The following OR5T3 variants were observed in gnomAD, a reference collection of about 807,000 sequenced individuals.
OR5T3 encodes the protein olfactory receptor 5T3.
OR5T3 carries 14 observed loss-of-function variants against 14.0 expected under a neutral mutation model. That is an observed-to-expected ratio of 1.00 (90% confidence interval 0.66 to 1.56). The LOEUF is 1.56. OR5T3 is among the 40% of genes most tolerant of loss of function. The probability of loss-of-function intolerance (pLI) is 0.00; values close to 1 mark genes in which losing one functional copy is unlikely to be tolerated. For synonymous variants in OR5T3, 150 were observed against 137.2 expected (o/e 1.09, Z -0.65); for missense variants, 410 against 374.2 (o/e 1.10, Z -0.79).
chr11:56,252,412 C>A lies in OR5T3; in HGVS notation c.159C>A (p.Gly53=), dbSNP rs747276768. 3.1e-6 allele frequency: 5 copies of A among 1,613,350 alleles called. No individual in the cohort carries two copies. Among genetic ancestry groups the A allele is most frequent in the East Asian group, 4.5e-5 (2 of 44,876 alleles). ...CAATCTATCTCTTTACCTTGATAGG[C>A]AATTTAGGGCTGGTTGTGTTGGTCA... The part of the protein sequence containing the change: ...FFAIYLFTLI[G]NLGLVVLVIE... Residue 53 remains glycine (G), a synonymous_variant, in exon 1 of 1, where the codon GGC becomes GGA. Transcript: ENST00000313033.
At position 56,252,646 on chromosome 11, in the gene OR5T3, T is replaced by G. The variant is rs755923623; in HGVS notation, c.393T>G (p.Ala131=). The G allele has an allele frequency of 6.2e-7, 1 of 1,613,934 alleles. No individual in the cohort carries two copies. Among genetic ancestry groups the G allele is most frequent in the Non-Finnish European group, 8.5e-7 (1 of 1,179,850 alleles). ...AATGTTTTCTCTTGGCTGCAATGGC[T>G]TATGATCACTATGTAGCCATCTACA... ...TTECFLLAAM[A]YDHYVAIYNP... Residue 131 remains alanine, a synonymous_variant, in exon 1 of 1, where the codon GCT becomes GCG. Transcript: ENST00000313033.
rs768612353 is a variant in OR5T3, at chr11:56,253,007, A to G, written c.754A>G (p.Thr252Ala). ...SAKGRQKAFS[T>A]CGSHLTGVTI... ...TAAGGGAAGGCAAAAGGCCTTCTCT[A>G]CATGTGGCTCTCACCTAACTGGAGT... Residue 252 changes from threonine to alanine, a missense_variant, in exon 1 of 1, where the codon ACA (threonine) becomes GCA (alanine). By Grantham distance (58) the Thr-to-Ala change is moderately conservative. Coordinates refer to ENST00000313033, the MANE Select transcript of OR5T3 (RefSeq NM_001004747.2). 5.0e-6 allele frequency: 8 copies of G among 1,613,132 alleles called. No individual in the cohort carries two copies. The highest frequency in any genetic ancestry group is 6.8e-6 in the Non-Finnish European group (8 of 1,179,290).
Position 56,253,213 on chromosome 11 carries a change from T to G in OR5T3, c.960T>G (p.Val320=). The G allele has an allele frequency of 6.5e-7, 1 of 1,535,648 alleles. No individual in the cohort carries two copies. Among genetic ancestry groups the G allele is most frequent in the South Asian group, 1.2e-5 (1 of 81,602 alleles). The change falls in exon 1 of 1, where the codon GTT becomes GTG. Residue 320 remains valine (V), a synonymous_variant. Transcript: ENST00000313033. ...KKAVKKMLKL[V]YK ...CAGTGAAGAAAATGTTGAAATTGGT[T>G]TACAAATGAAGAATATATTTAAAAT...
chr11:56,252,438 T>C lies in OR5T3; in HGVS notation c.185T>C (p.Ile62Thr). 6 of 1,613,818 alleles carry C rather than the reference T, an allele frequency of 3.7e-6. No homozygotes were observed. The highest frequency in any genetic ancestry group is 1.6e-4 in the Middle Eastern group (1 of 6,062). The change falls in exon 1 of 1, where the codon ATT becomes ACT. Residue 62 changes from isoleucine to threonine, a missense_variant. Coordinates refer to ENST00000313033, the MANE Select transcript of OR5T3 (RefSeq NM_001004747.2). ...AATTTAGGGCTGGTTGTGTTGGTCA[T>C]TGAGGATTCCTGGCTCCACAACCCC... Reference protein sequence around the residue: ...IGNLGLVVLVIEDSWLHNPMY... With the variant: ...IGNLGLVVLVTEDSWLHNPMY...
At position 56,252,987 on chromosome 11, in the gene OR5T3, G is replaced by A; in HGVS notation, c.734G>A (p.Gly245Glu). The A allele has an allele frequency of 6.2e-7, 1 of 1,613,690 alleles. No individual in the cohort carries two copies. The highest frequency in any genetic ancestry group is 8.5e-7 in the Non-Finnish European group (1 of 1,179,724). ...LSILKMHSAK[G>E]RQKAFSTCGS... ...ATTCTGAAGATGCATTCTGCTAAGG[G>A]AAGGCAAAAGGCCTTCTCTACATGT... The change falls in exon 1 of 1, where the codon GGA (glycine) becomes GAA (glutamate). Residue 245 changes from glycine to glutamate, a missense_variant. Transcript: ENST00000313033.
rs1238027677 is a variant in OR5T3, at chr11:56,252,502, T to C, written c.249T>C (p.Ala83=). 1.9e-6 allele frequency: 3 copies of C among 1,613,930 alleles called. No homozygotes were observed. Among genetic ancestry groups the C allele is most frequent in the African/African-American group, 1.3e-5 (1 of 75,046 alleles). Reference sequence around the variant, plus strand: ...TTAGTGTTTTATCATTCTTGGATGCTTGCTATTCTACAGTTGTCACTCCAA... The same window carrying C: ...TTAGTGTTTTATCATTCTTGGATGCCTGCTATTCTACAGTTGTCACTCCAA... ...YFLSVLSFLD[A]CYSTVVTPKM... The change falls in exon 1 of 1, where the codon GCT becomes GCC. Residue 83 remains alanine, a synonymous_variant. Transcript: ENST00000313033.
Position 56,252,645 on chromosome 11 carries a change from C to T in OR5T3, c.392C>T (p.Ala131Val). ...GAATGTTTTCTCTTGGCTGCAATGG[C>T]TTATGATCACTATGTAGCCATCTAC... is the stretch of plus-strand genomic sequence containing the variant. ...TTECFLLAAM[A>V]YDHYVAIYNP... is the part of the protein sequence containing the mutation. Residue 131 changes from alanine to valine, a missense_variant, in exon 1 of 1, where the codon GCT (alanine) becomes GTT (valine). Ala to Val is a moderately conservative substitution (Grantham distance 64, BLOSUM62 0). Coordinates refer to ENST00000313033, the MANE Select transcript of OR5T3 (RefSeq NM_001004747.2). 6.2e-7 allele frequency: 1 copy of T among 1,613,846 alleles called. No individual in the cohort carries two copies. The highest frequency in any genetic ancestry group is 8.5e-7 in the Non-Finnish European group (1 of 1,179,820).
chr11:56,252,827 G>A lies in OR5T3; in HGVS notation c.574G>A (p.Asp192Asn), dbSNP rs758340845. 6.2e-6 allele frequency: 10 copies of A among 1,613,734 alleles called. No homozygotes were observed. Among genetic ancestry groups the A allele is most frequent in the African/African-American group, 1.3e-5 (1 of 74,990 alleles). Residue 192 changes from aspartate to asparagine, a missense_variant, in exon 1 of 1, where the codon GAT becomes AAT. Transcript: ENST00000313033. ...CAATGAAATTAGGCATGTCTTTTGT[G>A]ATATGCCTCCTCTCCTTGCTATTTC... ...GSNEIRHVFC[D>N]MPPLLAISCS...
In OR5T3 at chr11:56,252,299, A is replaced by C. The variant is rs117437322; in HGVS notation, c.46A>C (p.Lys16Gln). 58 of 1,612,834 alleles carry C rather than the reference A, an allele frequency of 3.6e-5. No homozygotes were observed. The highest frequency in any genetic ancestry group is 4.7e-5 in the Non-Finnish European group (56 of 1,178,950). Reference protein sequence around the residue: ...SGLDIYRNPLKNKTEVTMFIL... With the variant: ...SGLDIYRNPLQNKTEVTMFIL... ...TTTGGATATATACAGGAATCCACTG[A>C]AGAACAAGACTGAAGTCACCATGTT... Residue 16 changes from lysine to glutamine, a missense_variant, in exon 1 of 1, where the codon AAG (lysine) becomes CAG (glutamine). By Grantham distance (53) the Lys-to-Gln change is moderately conservative. Coordinates refer to ENST00000313033, the MANE Select transcript of OR5T3 (RefSeq NM_001004747.2).
Position 56,252,870 on chromosome 11 carries a change from C to T in OR5T3, c.617C>T (p.Thr206Ile), listed in dbSNP as rs747895311. Residue 206 changes from threonine to isoleucine, a missense_variant, in exon 1 of 1, where the codon ACA becomes ATA. By Grantham distance (89) the Thr-to-Ile change is moderately conservative (BLOSUM62 -1). Coordinates refer to ENST00000313033, the MANE Select transcript of OR5T3 (RefSeq NM_001004747.2). ...LLAISCSDTH[T>I]NQLLLFYFVG... ...GCTATTTCTTGTTCTGACACTCACA[C>T]AAACCAGCTTCTACTCTTCTACTTT... 8 of 1,613,788 alleles carry T rather than the reference C, an allele frequency of 5.0e-6. No individual in the cohort carries two copies. Among genetic ancestry groups the T allele is most frequent in the South Asian group, 1.1e-5 (1 of 91,072 alleles).
Position 56,252,367 on chromosome 11 carries a change from C to A in OR5T3, c.114C>A (p.Phe38Leu). 1.2e-6 allele frequency: 2 copies of A among 1,613,630 alleles called. No homozygotes were observed. The highest frequency in any genetic ancestry group is 1.7e-5 in the Admixed American group (1 of 59,942). ...CAGATGATTTTGAGCTGCAAGTCTT[C>A]CTATTTTTACTATTTTTTGCAATCT... is the stretch of plus-strand genomic sequence containing the variant. Reference protein sequence around the residue: ...GFTDDFELQVFLFLLFFAIYL... With the variant: ...GFTDDFELQVLLFLLFFAIYL... Residue 38 changes from phenylalanine to leucine, a missense_variant, in exon 1 of 1, where the codon TTC (phenylalanine) becomes TTA (leucine). Physicochemically the swap from Phe to Leu is conservative, Grantham distance 22 (BLOSUM62 0). Coordinates refer to ENST00000313033, the MANE Select transcript of OR5T3 (RefSeq NM_001004747.2).
In OR5T3 at chr11:56,252,763, A is replaced by G. The variant is rs779773842; in HGVS notation, c.510A>G (p.Ile170Met). ...TTGCTGGCATTTTACATGCTACTAT[A>G]CATATAGTGGCTACATTTAGCCTGT... is the stretch of plus-strand genomic sequence containing the variant. ...SYVAGILHAT[I>M]HIVATFSLSF... The change falls in exon 1 of 1, where the codon ATA (isoleucine) becomes ATG (methionine). Residue 170 changes from isoleucine to methionine, a missense_variant. Coordinates refer to ENST00000313033, the MANE Select transcript of OR5T3 (RefSeq NM_001004747.2). 2 of 1,612,398 alleles carry G rather than the reference A, an allele frequency of 1.2e-6. No individual in the cohort carries two copies. Among genetic ancestry groups the G allele is most frequent in the Non-Finnish European group, 1.7e-6 (2 of 1,179,822 alleles).
In OR5T3 at chr11:56,253,033, G is replaced by A. The variant is rs1404552897; in HGVS notation, c.780G>A (p.Val260=). The change falls in exon 1 of 1, where the codon GTG becomes GTA. Residue 260 remains valine, a synonymous_variant. Coordinates refer to ENST00000313033, the MANE Select transcript of OR5T3 (RefSeq NM_001004747.2). The stretch of plus-strand genomic sequence containing the variant: ...CATGTGGCTCTCACCTAACTGGAGT[G>A]ACAATTTATCATGGAACAATTCTCG... The part of the protein sequence containing the change: ...FSTCGSHLTG[V]TIYHGTILVS... 1 of 1,613,578 alleles carries A rather than the reference G, an allele frequency of 6.2e-7. No homozygotes were observed. The highest frequency in any genetic ancestry group is 8.5e-7 in the Non-Finnish European group (1 of 1,179,750).
chr11:56,252,424 G>A lies in OR5T3; in HGVS notation c.171G>A (p.Leu57=). The change falls in exon 1 of 1, where the codon CTG becomes CTA. Residue 57 remains leucine, a synonymous_variant. Transcript: ENST00000313033. ...TTACCTTGATAGGCAATTTAGGGCTGGTTGTGTTGGTCATTGAGGATTCCT... is the reference window on the plus strand; with the variant it reads ...TTACCTTGATAGGCAATTTAGGGCTAGTTGTGTTGGTCATTGAGGATTCCT... ...YLFTLIGNLG[L]VVLVIEDSWL... is the part of the protein sequence containing the mutation. 1.2e-6 allele frequency: 2 copies of A among 1,613,588 alleles called. No homozygotes were observed. The highest frequency in any genetic ancestry group is 1.3e-5 in the African/African-American group (1 of 74,994).
chr11:56,252,345 A>G lies in OR5T3; in HGVS notation c.92A>G (p.Asp31Gly), dbSNP rs766016919. ...VTMFILTGFTDDFELQVFLFL... is the reference protein window; with the variant it reads ...VTMFILTGFTGDFELQVFLFL... Reference sequence around the variant, plus strand: ...ATGTTTATATTGACAGGCTTCACAGATGATTTTGAGCTGCAAGTCTTCCTA... The same window carrying G: ...ATGTTTATATTGACAGGCTTCACAGGTGATTTTGAGCTGCAAGTCTTCCTA... The change falls in exon 1 of 1, where the codon GAT becomes GGT. Residue 31 changes from aspartate to glycine, a missense_variant. Transcript: ENST00000313033. 2 of 1,613,570 alleles carry G rather than the reference A, an allele frequency of 1.2e-6. No individual in the cohort carries two copies. The highest frequency in any genetic ancestry group is 2.7e-5 in the African/African-American group (2 of 74,910).
In OR5T3 at chr11:56,252,457, C is replaced by T; in HGVS notation, c.204C>T (p.His68=). ...TGGTCATTGAGGATTCCTGGCTCCACAACCCCATGTATTATTTTCTTAGTG... is the reference window on the plus strand; with the variant it reads ...TGGTCATTGAGGATTCCTGGCTCCATAACCCCATGTATTATTTTCTTAGTG... The part of the protein sequence containing the change: ...VVLVIEDSWL[H]NPMYYFLSVL... The change falls in exon 1 of 1, where the codon CAC becomes CAT. Residue 68 remains histidine (H), a synonymous_variant. Transcript: ENST00000313033. 1 of 1,613,820 alleles carries T rather than the reference C, an allele frequency of 6.2e-7. No individual in the cohort carries two copies. The highest frequency in any genetic ancestry group is 1.1e-5 in the South Asian group (1 of 91,076).
Position 56,252,291 on chromosome 11 carries a change from A to G in OR5T3, c.38A>G (p.Asn13Ser). Reference sequence around the variant, plus strand: ...TCATCAGGTTTGGATATATACAGGAATCCACTGAAGAACAAGACTGAAGTC... The same window carrying G: ...TCATCAGGTTTGGATATATACAGGAGTCCACTGAAGAACAAGACTGAAGTC... ...KLSSGLDIYR[N>S]PLKNKTEVTM... Residue 13 changes from asparagine to serine, a missense_variant, in exon 1 of 1, where the codon AAT becomes AGT. Coordinates refer to ENST00000313033, the MANE Select transcript of OR5T3 (RefSeq NM_001004747.2). 1 of 1,612,226 alleles carries G rather than the reference A, an allele frequency of 6.2e-7. No individual in the cohort carries two copies. Among genetic ancestry groups the G allele is most frequent in the Non-Finnish European group, 8.5e-7 (1 of 1,178,418 alleles).
At position 56,252,463 on chromosome 11, in the gene OR5T3, C is replaced by G; in HGVS notation, c.210C>G (p.Pro70=). ...TTGAGGATTCCTGGCTCCACAACCC[C>G]ATGTATTATTTTCTTAGTGTTTTAT... ...LVIEDSWLHN[P]MYYFLSVLSF... is the part of the protein sequence containing the mutation. The change falls in exon 1 of 1, where the codon CCC becomes CCG. Residue 70 remains proline (P), a synonymous_variant. Transcript: ENST00000313033. The G allele has an allele frequency of 6.2e-7, 1 of 1,613,810 alleles. No individual in the cohort carries two copies. The highest frequency in any genetic ancestry group is 8.5e-7 in the Non-Finnish European group (1 of 1,179,814).
chr11:56,252,391 C>G lies in OR5T3; in HGVS notation c.138C>G (p.Ile46Met). The G allele has an allele frequency of 6.2e-7, 1 of 1,613,486 alleles. No homozygotes were observed. The highest frequency in any genetic ancestry group is 8.5e-7 in the Non-Finnish European group (1 of 1,179,606). ...QVFLFLLFFAIYLFTLIGNLG... is the reference protein window; with the variant it reads ...QVFLFLLFFAMYLFTLIGNLG... ...TCCTATTTTTACTATTTTTTGCAATCTATCTCTTTACCTTGATAGGCAATT... is the reference window on the plus strand; with the variant it reads ...TCCTATTTTTACTATTTTTTGCAATGTATCTCTTTACCTTGATAGGCAATT... Residue 46 changes from isoleucine to methionine, a missense_variant, in exon 1 of 1, where the codon ATC (isoleucine) becomes ATG (methionine). Physicochemically the swap from Ile to Met is conservative, Grantham distance 10. Transcript: ENST00000313033.
Sources: gnomAD v4.1 joint callset for allele counts on GRCh38, gnomAD v4.1.1 for gene constraint, MANE v1.5 for transcripts, NCBI Gene and HGNC (gene_info 2026-07-23, HGNC 2026-07-21) for gene names.